The following TMEM240 variants were observed in gnomAD, a reference collection of about 807,000 sequenced individuals.
TMEM240 encodes the protein transmembrane protein 240, also known as transmembrane protein C1orf70.
A neutral mutation model predicts 19.5 loss-of-function variants in TMEM240; 3 were observed. The ratio of observed to expected loss-of-function variants is 0.15; its 90% confidence interval spans 0.07 to 0.40. The LOEUF (loss-of-function observed/expected upper bound fraction) is 0.40, where lower values mean the gene tolerates loss of function less well. TMEM240 is among the 10% of genes least tolerant of loss of function. TMEM240 has a pLI of 1.00. For missense variants in TMEM240, 210 were observed against 253.5 expected, an observed-to-expected ratio of 0.83 and a Z score of 1.17; for synonymous variants, 123 against 109.3, an observed-to-expected ratio of 1.13 and a Z score of -0.78.
At position 1,535,932 on chromosome 1, in the gene TMEM240, GC is replaced by G; in HGVS notation, c.165-136del. ...TTCTCTGAAGCAGCCTCTTGGGCGG[GC>G]GGGTCGGGAAGGGGGCACCAGACTC... On this transcript the variant is annotated intron_variant, in intron 2 of 3. Coordinates refer to ENST00000378733, the MANE Select transcript of TMEM240 (RefSeq NM_001114748.2). This position sits in a 1 kb window ranked among gnomAD's most constrained non-coding sequence, Gnocchi z 8.2. The G allele has an allele frequency of 4.8e-6, 3 of 622,636 alleles. No homozygotes were observed. Among genetic ancestry groups the G allele is most frequent in the East Asian group, 3.0e-5 (1 of 32,898 alleles). The allele number at this position is 622,636 out of a possible 1,614,324, so 38.6% of individuals were successfully genotyped here.
rs1642213102 is a variant in TMEM240 at position 1,535,962 on chromosome 1, G to C, written c.165-165C>G. Among the ~76,000 whole-genome samples the C allele has an allele frequency of 6.6e-6, 1 of 152,118 alleles. No individual in the cohort carries two copies. Among genetic ancestry groups the C allele is most frequent in the Admixed American group, 6.5e-5 (1 of 15,280 alleles). ...TCGGGAAGGGGGCACCAGACTCAACGAGGCCCAGGTCACAGGCCAGAGGGA... is the reference window on the plus strand; with the variant it reads ...TCGGGAAGGGGGCACCAGACTCAACCAGGCCCAGGTCACAGGCCAGAGGGA... On this transcript the variant is annotated intron_variant, in intron 2 of 3. Coordinates refer to ENST00000378733, the MANE Select transcript of TMEM240 (RefSeq NM_001114748.2). This position sits in a 1 kb window ranked among gnomAD's most constrained non-coding sequence, Gnocchi z 8.2.
chr1:1,538,127 TCC>T (rs1357306622), intron 2 of TMEM240, among the ~76,000 whole-genome samples: 1 of 152,210 alleles, frequency 6.6e-6, no homozygotes, highest in Non-Finnish European at 1.5e-5. Context: ...TCTTGACATG[TCC>T]CTGAGCACAC....
At position 1,535,597 on chromosome 1, in the gene TMEM240, C is replaced by T. The variant is rs1339640590; in HGVS notation, c.365G>A (p.Arg122Gln). Residue 122 changes from arginine to glutamine, a missense_variant, in exon 3 of 4, where the codon CGG (arginine) becomes CAG (glutamine). Physicochemically the swap from Arg to Gln is conservative, Grantham distance 43. Coordinates refer to ENST00000378733, the MANE Select transcript of TMEM240 (RefSeq NM_001114748.2). This position sits in a 1 kb window ranked among gnomAD's most constrained non-coding sequence, Gnocchi z 8.2. ...GGGCACGAGGCACTCACCGTAGCGC[C>T]GTCCGGCTCTCCAGGCGCGCACGGC... is the stretch of plus-strand genomic sequence containing the variant. ...HCAVRAWRAG[R>Q]RYDGSWTWLP... 23 of 1,549,244 alleles carry T rather than the reference C, an allele frequency of 1.5e-5. No individual in the cohort carries two copies. Among genetic ancestry groups the T allele is most frequent in the South Asian group, 7.1e-5 (6 of 84,048 alleles).
chr1:1,539,695 G>A lies in TMEM240; in HGVS notation c.153C>T (p.Cys51=). ...GGTTGTGGACTCACCGGCCACAGTT[G>A]CAGTGGCAGACGCGGTCCTCGCCCC... is the stretch of plus-strand genomic sequence containing the variant. The part of the protein sequence containing the change: ...HLRGEDRVCH[C]NCGRHHIHYV... Residue 51 remains cysteine (C), a synonymous_variant, in exon 2 of 4, where the codon TGC becomes TGT. Transcript: ENST00000378733. 6.5e-7 allele frequency: 1 copy of A among 1,547,814 alleles called. No individual in the cohort carries two copies. The highest frequency in any genetic ancestry group is 1.2e-5 in the South Asian group (1 of 83,970).
chr1:1,537,815 C>T (rs911414008), intron 2 of TMEM240, among the ~76,000 whole-genome samples: 4 of 152,214 alleles, frequency 2.6e-5, no homozygotes, highest in Admixed American at 2.6e-4. Context: ...TGCATGTTCG[C>T]TTGGCTTTGC....
rs1642209823 is a variant in TMEM240 at position 1,535,824 on chromosome 1, C to T, written c.165-27G>A. 6.5e-7 allele frequency: 1 copy of T among 1,543,338 alleles called. No homozygotes were observed. Among genetic ancestry groups the T allele is most frequent in the Non-Finnish European group, 8.8e-7 (1 of 1,141,670 alleles). ...TGGGGGCGGCAGGGCGGGCTGGCAC[C>T]TCTCCCGCCACCCCCGGCCTGGCCT... On this transcript the variant is annotated intron_variant, in intron 2 of 3. Coordinates refer to ENST00000378733, the MANE Select transcript of TMEM240 (RefSeq NM_001114748.2). The surrounding 1 kb of genome is among the most constrained non-coding windows in gnomAD (Gnocchi z 8.2).
rs1238466332 is a variant in TMEM240 at position 1,535,989 on chromosome 1, T to A, written c.165-192A>T. Among the ~76,000 whole-genome samples the A allele has an allele frequency of 6.6e-6, 1 of 151,340 alleles. No homozygotes were observed. Among genetic ancestry groups the A allele is most frequent in the Admixed American group, 6.6e-5 (1 of 15,202 alleles). Reference sequence around the variant, plus strand: ...GGCCCAGGTCACAGGCCAGAGGGAGTGGGAGGTCAGTGGCCATGGGCTGTG... The same window carrying A: ...GGCCCAGGTCACAGGCCAGAGGGAGAGGGAGGTCAGTGGCCATGGGCTGTG... On this transcript the variant is annotated intron_variant, in intron 2 of 3. Coordinates refer to ENST00000378733, the MANE Select transcript of TMEM240 (RefSeq NM_001114748.2). This position sits in a 1 kb window ranked among gnomAD's most constrained non-coding sequence, Gnocchi z 8.2.
intron 2 of TMEM240, among the ~76,000 whole-genome samples, chr1:1,538,659 G>A (rs536678756): frequency 6.6e-5 from 10 of 152,322 alleles, no homozygotes; most frequent in Non-Finnish European, 1.0e-4. Flanking sequence ...CCCAGCACAC[G>A]TGAGGGTCAC....
At chr1:1,538,139 C>T (rs1348261611) in intron 2 of TMEM240, among the ~76,000 whole-genome samples, 2 of 152,194 alleles carry the variant, frequency 1.3e-5, no homozygotes, top group Non-Finnish European at 1.5e-5. Context: ...CCTGAGCACA[C>T]GGCACTGTAT....
intron 2 of TMEM240, among the ~76,000 whole-genome samples, chr1:1,538,305 C>T (rs1642252464): frequency 6.6e-6 from 1 of 152,244 alleles, no homozygotes; most frequent in Non-Finnish European, 1.5e-5. Context: ...GGCTGTGGCT[C>T]TGCTTCCCAC....
At chr1:1,540,234 A>G (rs1570374388) in intron 1 of TMEM240, 56 bp downstream of exon 1, 7 of 979,402 alleles carry the variant, frequency 7.1e-6, no homozygotes, top group Non-Finnish European at 6.1e-6. Context: ...GAGGTGGGCC[A>G]GGCGGCGCGC....
chr1:1,540,500 A>T lies in TMEM240; in HGVS notation c.-154T>A. The stretch of plus-strand genomic sequence containing the variant: ...TGCAACCCCGGCACCGGCCGGGGGG[A>T]GGAGGCGCGGGGGGGGGGGCGCCGG... On this transcript the variant is annotated 5_prime_UTR_variant, in exon 1 of 4. Transcript: ENST00000378733. 6 of 64,958 alleles carry T rather than the reference A, an allele frequency of 9.2e-5. No individual in the cohort carries two copies. Among genetic ancestry groups the T allele is most frequent in the Non-Finnish European group, 1.4e-4 (5 of 34,930 alleles). 4.0% of individuals were successfully genotyped at this position (64,958 alleles called of 1,614,324 possible).
At chr1:1,539,567 C>A (rs1642269693) in intron 2 of TMEM240, 117 bp downstream of exon 2, 3 of 878,190 alleles carry the variant, frequency 3.4e-6, no homozygotes, top group African/African-American at 3.4e-5. Context: ...ACCTGGCAGC[C>A]CTCAAGGGTG....
chr1:1,535,938 C>T lies in TMEM240; in HGVS notation c.165-141G>A, dbSNP rs377688976. ...GAAGCAGCCTCTTGGGCGGGCGGGTCGGGAAGGGGGCACCAGACTCAACGA... is the reference window on the plus strand; with the variant it reads ...GAAGCAGCCTCTTGGGCGGGCGGGTTGGGAAGGGGGCACCAGACTCAACGA... On this transcript the variant is annotated intron_variant, in intron 2 of 3. Transcript: ENST00000378733. The surrounding 1 kb of genome is among the most constrained non-coding windows in gnomAD (Gnocchi z 8.2). 3.8e-4 allele frequency: 130 copies of T among 345,898 alleles called. No individual in the cohort carries two copies. In the East Asian group the frequency reaches 5.1e-3, roughly 14 times the overall value. The allele number at this position is 345,898 out of a possible 1,614,324, so 21.4% of individuals were successfully genotyped here. A position where few individuals can be genotyped will look rare whatever the true frequency, so the allele number is the denominator to read the frequency against.
chr1:1,535,223 C>G lies in TMEM240; in HGVS notation c.*136G>C, dbSNP rs757240170. 1,170 of 974,074 alleles carry G rather than the reference C, an allele frequency of 1.2e-3. 2 individuals are homozygous for G. The highest frequency in any genetic ancestry group is 1.6e-3 in the Non-Finnish European group (1,065 of 682,700). The allele number at this position is 974,074 out of a possible 1,614,324, so 60.3% of individuals were successfully genotyped here. On this transcript the variant is annotated 3_prime_UTR_variant, in exon 4 of 4. Transcript: ENST00000378733. This position sits in a 1 kb window ranked among gnomAD's most constrained non-coding sequence, Gnocchi z 8.2. Reference sequence around the variant, plus strand: ...GAGACAGCACCTTCCACTGGACTCTCCCGGCCGGCCACAGCCCCGGACAAC... The same window carrying G: ...GAGACAGCACCTTCCACTGGACTCTGCCGGCCGGCCACAGCCCCGGACAAC...
chr1:1,535,719 G>A lies in TMEM240; in HGVS notation c.243C>T (p.Asp81=). 6.4e-7 allele frequency: 1 copy of A among 1,550,472 alleles called. No homozygotes were observed. The highest frequency in any genetic ancestry group is 8.7e-7 in the Non-Finnish European group (1 of 1,146,726). The change falls in exon 3 of 4, where the codon GAC becomes GAT. Residue 81 remains aspartate, a synonymous_variant. Transcript: ENST00000378733. The surrounding 1 kb of genome is among the most constrained non-coding windows in gnomAD (Gnocchi z 8.2). Reference sequence around the variant, plus strand: ...GGTCGATCTCCTGCTTGGTCACACTGTCCGTCACAAAGTAGTTCTCGGAGG... The same window carrying A: ...GGTCGATCTCCTGCTTGGTCACACTATCCGTCACAAAGTAGTTCTCGGAGG... ...VDASENYFVT[D]SVTKQEIDLM... is the part of the protein sequence containing the mutation.
chr1:1,535,656 C>A lies in TMEM240; in HGVS notation c.306G>T (p.Trp102Cys). The A allele has an allele frequency of 2.6e-6, 4 of 1,550,122 alleles. No individual in the cohort carries two copies. Among genetic ancestry groups the A allele is most frequent in the Non-Finnish European group, 3.5e-6 (4 of 1,146,672 alleles). The change falls in exon 3 of 4, where the codon TGG (tryptophan) becomes TGT (cysteine). Residue 102 changes from tryptophan (W) to cysteine (C), a missense_variant. Around this residue, in one of 3 missense-constraint regions of TMEM240, gnomAD observed 157 missense variants for 168.2 expected, o/e 0.93. Transcript: ENST00000378733. This position sits in a 1 kb window ranked among gnomAD's most constrained non-coding sequence, Gnocchi z 8.2. ...LGLLLGFCIS[W>C]FLVWMDGVLH... ...GGACGCCGTCCATCCACACCAGGAA[C>A]CAGCTGATGCAAAAGCCCAGCAGCA...
At chr1:1,539,422 T>C in intron 2 of TMEM240, 1 of 519,648 alleles carries the variant, frequency 1.9e-6, no homozygotes, top group East Asian at 3.6e-5. Flanking sequence ...GCTGCGGCTT[T>C]CCGGCCTCCA....
At chr1:1,539,581 G>A in intron 2 of TMEM240, 103 bp downstream of exon 2, 1 of 1,025,480 alleles carries the variant, frequency 9.8e-7, no homozygotes, top group Non-Finnish European at 1.4e-6. Flanking sequence ...AAGGGTGGAA[G>A]GCGGCTCGCG....
Sources: gnomAD v4.1 joint callset for allele counts (sites outside exome capture counted in the v4.1 genomes callset) on GRCh38, gnomAD v4.1.1 for gene constraint, gnomAD v4.1.1 regional missense constraint, Gnocchi (gnomAD v3.1) non-coding constraint, MANE v1.5 for transcripts, NCBI Gene and HGNC (gene_info 2026-07-23, HGNC 2026-07-21) for gene names.